The following ZNF804B variants were observed in gnomAD, a reference collection of about 807,000 sequenced individuals.
ZNF804B encodes the protein zinc finger protein 804B, also known as zinc finger 804B.
Under a neutral mutation model 101.4 loss-of-function variants are expected in ZNF804B, and 80 were observed. The ratio of observed to expected loss-of-function variants is 0.79; its 90% confidence interval spans 0.66 to 0.95. The LOEUF (loss-of-function observed/expected upper bound fraction) is 0.95. ZNF804B is among the 40% of genes least tolerant of loss of function. The probability of loss-of-function intolerance (pLI) is 0.00; values close to 1 mark genes in which losing one functional copy is unlikely to be tolerated. For synonymous variants in ZNF804B, 622 were observed against 558.8 expected, an observed-to-expected ratio of 1.11 and a Z score of -1.59; for missense variants, 1,673 against 1,561.9, an observed-to-expected ratio of 1.07 and a Z score of -1.20.
chr7:89,119,447 T>A (rs1391470258), intron 1 of ZNF804B, among the ~76,000 whole-genome samples: 1 of 152,216 alleles, frequency 6.6e-6, no homozygotes, highest in East Asian at 1.9e-4. Flanking sequence ...TAAACTACCT[T>A]TCCAGCAAAA....
intron 1 of ZNF804B, among the ~76,000 whole-genome samples, chr7:88,856,088 G>A (rs1791552315): frequency 6.6e-6 from 1 of 152,140 alleles, no homozygotes; most frequent in Non-Finnish European, 1.5e-5. Flanking sequence ...GGCGATGCGG[G>A]CTCTTTTTTC....
intron 1 of ZNF804B, among the ~76,000 whole-genome samples, chr7:88,796,703 G>T (rs533204384): frequency 6.6e-6 from 1 of 152,206 alleles, no homozygotes; most frequent in South Asian, 2.1e-4. Context: ...TGATGTGGTT[G>T]GATCTCTCGC....
At chr7:88,917,619 A>G (rs552367972) in intron 1 of ZNF804B, among the ~76,000 whole-genome samples, 1 of 152,328 alleles carries the variant, frequency 6.6e-6, no homozygotes, top group South Asian at 2.1e-4. Context: ...ATAGCAGTCA[A>G]CTATTTTCTG....
chr7:89,231,128 A>G (rs1266158293), intron 2 of ZNF804B, among the ~76,000 whole-genome samples: 1 of 152,062 alleles, frequency 6.6e-6, no homozygotes, highest in East Asian at 1.9e-4. Context: ...ATTTTTGTGC[A>G]TGATGTGAGG....
intron 1 of ZNF804B, among the ~76,000 whole-genome samples, chr7:89,089,344 G>A (rs911647935): frequency 6.7e-6 from 1 of 149,148 alleles, no homozygotes; most frequent in Non-Finnish European, 1.5e-5. Flanking sequence ...GATACAGATG[G>A]CTATGTTTTC....
intron 3 of ZNF804B, among the ~76,000 whole-genome samples, chr7:89,330,744 A>C (rs1398848802): frequency 2.0e-5 from 3 of 151,562 alleles, no homozygotes; most frequent in African/African-American, 7.2e-5. Flanking sequence ...ATCTGTAATT[A>C]TAAATGCAGT....
chr7:88,893,955 A>T (rs1200165621), intron 1 of ZNF804B, among the ~76,000 whole-genome samples: 1 of 152,266 alleles, frequency 6.6e-6, no homozygotes, highest in Non-Finnish European at 1.5e-5. Context: ...AAAATTAGAT[A>T]AATTTATTAT....
intron 1 of ZNF804B, among the ~76,000 whole-genome samples, chr7:88,936,132 T>C (rs1792966245): frequency 6.6e-6 from 1 of 151,134 alleles, no homozygotes; most frequent in African/African-American, 2.4e-5. Flanking sequence ...AACATATGCC[T>C]GTGGTCCTAG....
At chr7:89,195,948 G>T (rs1449178546) in intron 1 of ZNF804B, among the ~76,000 whole-genome samples, 1 of 151,990 alleles carries the variant, frequency 6.6e-6, no homozygotes, top group African/African-American at 2.4e-5. Flanking sequence ...TGAATAAGAA[G>T]AATCAACATC....
intron 1 of ZNF804B, chr7:88,794,519 G>A (rs745333051): frequency 1.9e-6 from 3 of 1,613,484 alleles, no homozygotes; most frequent in African/African-American, 1.3e-5. Context: ...TGCATAAAAA[G>A]CCTCATTGGA....
At chr7:89,188,717 A>G (rs1025301235) in intron 1 of ZNF804B, among the ~76,000 whole-genome samples, 1 of 152,180 alleles carries the variant, frequency 6.6e-6, no homozygotes, top group Non-Finnish European at 1.5e-5. Flanking sequence ...TGGACTAAAG[A>G]GAAGATCAAA....
At chr7:89,294,006 G>A (rs1283759853) in intron 2 of ZNF804B, among the ~76,000 whole-genome samples, 2 of 152,002 alleles carry the variant, frequency 1.3e-5, no homozygotes, top group South Asian at 4.2e-4. Context: ...CATTTCTATG[G>A]CAACTCTGTC....
At chr7:89,161,123 TGA>T (rs1791054943) in intron 1 of ZNF804B, among the ~76,000 whole-genome samples, 1 of 152,034 alleles carries the variant, frequency 6.6e-6, no homozygotes, top group Non-Finnish European at 1.5e-5. Flanking sequence ...GATCTCTATC[TGA>T]GAACTGAGAG....
At chr7:88,866,367 T>C (rs980386740) in intron 1 of ZNF804B, among the ~76,000 whole-genome samples, 1 of 152,228 alleles carries the variant, frequency 6.6e-6, no homozygotes, top group African/African-American at 2.4e-5. Context: ...GAATTCAGGC[T>C]GGGTTTATAA....
At chr7:88,979,648 T>C (rs1457420897) in intron 1 of ZNF804B, among the ~76,000 whole-genome samples, 2 of 151,350 alleles carry the variant, frequency 1.3e-5, no homozygotes, top group African/African-American at 4.8e-5. Flanking sequence ...TTCTTTATTC[T>C]TGAACTTTGA....
intron 2 of ZNF804B, among the ~76,000 whole-genome samples, chr7:89,304,320 C>A (rs1029866123): frequency 6.6e-6 from 1 of 151,838 alleles, no homozygotes; most frequent in African/African-American, 2.4e-5. Context: ...TTAGTTCACT[C>A]CTGCCTTTAA....
At chr7:88,799,033 A>G (rs998102813) in intron 1 of ZNF804B, among the ~76,000 whole-genome samples, 24 of 152,218 alleles carry the variant, frequency 1.6e-4, no homozygotes, top group African/African-American at 4.3e-4. Flanking sequence ...TCTTCTTTCA[A>G]TTATTCTACT....
intron 1 of ZNF804B, among the ~76,000 whole-genome samples, chr7:88,823,163 T>G (rs897667924): frequency 3.3e-5 from 5 of 152,186 alleles, no homozygotes; most frequent in African/African-American, 9.6e-5. Context: ...TGAGCCAAGA[T>G]CGCATCACTG....
intron 1 of ZNF804B, among the ~76,000 whole-genome samples, chr7:89,154,955 C>T (rs1289708271): frequency 6.6e-6 from 1 of 151,764 alleles, no homozygotes; most frequent in Admixed American, 6.6e-5. Context: ...ATACCCATTT[C>T]CCATGATGCG....
Sources: gnomAD v4.1 joint callset for allele counts (sites outside exome capture counted in the v4.1 genomes callset) on GRCh38, gnomAD v4.1.1 for gene constraint, MANE v1.5 for transcripts, NCBI Gene and HGNC (gene_info 2026-07-23, HGNC 2026-07-21) for gene names.